Variants in DLGAP2 observed in about 807,000 individuals in gnomAD.
DLGAP2 encodes the protein disks large-associated protein 2.
DLGAP2 carries 26 observed loss-of-function variants against 100.3 expected under a neutral mutation model. The observed-to-expected ratio is 0.26, with a 90% CI of 0.19 to 0.36. The LOEUF (loss-of-function observed/expected upper bound fraction) is 0.36. DLGAP2 is among the 10% of genes least tolerant of loss of function. The probability of loss-of-function intolerance (pLI) is 1.00; values close to 1 mark genes in which losing one functional copy is unlikely to be tolerated. For missense variants in DLGAP2, 1,858 were observed against 1,453.2 expected (o/e 1.28, Z -4.53); for synonymous variants, 886 against 630.1 (o/e 1.41, Z -6.08).
intron 1 of DLGAP2, among the ~76,000 whole-genome samples, chr8:814,834 G>C (rs1257226229): frequency 3.6e-4 from 38 of 105,320 alleles, no homozygotes; most frequent in African/African-American, 1.5e-3. Flanking sequence ...CCTGGCAACA[G>C]AGCAAGACTC....
intron 5 of DLGAP2, among the ~76,000 whole-genome samples, chr8:1,564,206 A>C (rs1441345103): frequency 1.3e-5 from 2 of 152,184 alleles, no homozygotes; most frequent in Non-Finnish European, 2.9e-5. Context: ...GGAGCTGTTC[A>C]AAGCTAATGA....
At chr8:950,020 A>C (rs1444715835) in intron 2 of DLGAP2, among the ~76,000 whole-genome samples, 1 of 152,180 alleles carries the variant, frequency 6.6e-6, no homozygotes, top group Non-Finnish European at 1.5e-5. Flanking sequence ...AATCGCTGCA[A>C]TGTGTCCCGT....
rs576199834 is a variant in DLGAP2, at chr8:1,515,178, G to C, written c.172+13747G>C. Among the ~76,000 whole-genome samples the C allele has an allele frequency of 7.2e-5, 11 of 152,304 alleles. No homozygotes were observed. The South Asian group carries it at 2.3e-3, about 32-fold the overall frequency. ...GGAAGGCAGCCTTGGAAATCACGGA[G>C]AGTTGTTGCATTGATTCTTTTGCAG... On this transcript the variant is annotated intron_variant, in intron 4 of 14. Transcript: ENST00000637795.
At chr8:1,214,010 C>T (rs1168171078) in intron 2 of DLGAP2, among the ~76,000 whole-genome samples, 2 of 152,036 alleles carry the variant, frequency 1.3e-5, no homozygotes, top group Non-Finnish European at 2.9e-5. Flanking sequence ...TTCAGAGACC[C>T]GGCTGTGGTC....
intron 3 of DLGAP2, among the ~76,000 whole-genome samples, chr8:1,437,908 C>T (rs1370093580): frequency 6.6e-6 from 1 of 151,260 alleles, no homozygotes; most frequent in Non-Finnish European, 1.5e-5. Context: ...ATTGCTTGAA[C>T]CCTGGAGATG....
intron 2 of DLGAP2, among the ~76,000 whole-genome samples, chr8:961,725 G>T (rs1015988794): frequency 6.6e-6 from 1 of 152,124 alleles, no homozygotes; most frequent in Admixed American, 6.6e-5. Context: ...TGAAAATTAT[G>T]GGAGATATGA....
intron 1 of DLGAP2, among the ~76,000 whole-genome samples, chr8:889,796 C>T (rs569155450): frequency 3.3e-5 from 5 of 152,336 alleles, no homozygotes; most frequent in African/African-American, 1.2e-4. Context: ...GTCACCCCTC[C>T]CCCCAGGAGT....
At chr8:1,166,838 T>C (rs1426014288) in intron 2 of DLGAP2, among the ~76,000 whole-genome samples, 2 of 152,160 alleles carry the variant, frequency 1.3e-5, no homozygotes, top group Non-Finnish European at 2.9e-5. Flanking sequence ...TTTCTACATA[T>C]GGATAATGAT....
At chr8:1,043,150 TGTGGGTGGTGGAC>T (rs1221201245) in intron 2 of DLGAP2, among the ~76,000 whole-genome samples, 1 of 104,022 alleles carries the variant, frequency 9.6e-6, no homozygotes, top group Non-Finnish European at 1.9e-5. Context: ...AGGTTGTGGG[TGTGGGTGGTGGAC>T]GTGGGTGGTG....
At chr8:1,283,310 T>C (rs1185447263) in intron 3 of DLGAP2, among the ~76,000 whole-genome samples, 3 of 152,038 alleles carry the variant, frequency 2.0e-5, no homozygotes, top group African/African-American at 7.2e-5. Context: ...ACGTGAACCA[T>C]CCAGACGTGG....
At chr8:1,293,760 G>A (rs749433351) in intron 3 of DLGAP2, among the ~76,000 whole-genome samples, 17 of 152,300 alleles carry the variant, frequency 1.1e-4, no homozygotes, top group Admixed American at 5.2e-4. Context: ...GAGCTGGGGC[G>A]AAGTGAATCC....
At chr8:1,158,762 C>A (rs1796838780) in intron 2 of DLGAP2, among the ~76,000 whole-genome samples, 2 of 152,216 alleles carry the variant, frequency 1.3e-5, no homozygotes, top group South Asian at 4.1e-4. Flanking sequence ...TCACACAGAC[C>A]CCTTGAAGTC....
chr8:1,325,765 C>G (rs1406198807), intron 3 of DLGAP2, among the ~76,000 whole-genome samples: 2 of 152,188 alleles, frequency 1.3e-5, no homozygotes, highest in African/African-American at 4.8e-5. Context: ...GTCTGTTTTC[C>G]TGAGACGGGT....
chr8:1,317,510 G>C (rs1447509732), intron 3 of DLGAP2, among the ~76,000 whole-genome samples: 1 of 141,004 alleles, frequency 7.1e-6, no homozygotes, highest in Non-Finnish European at 1.5e-5. Flanking sequence ...ACACTTGGCA[G>C]CGTTTAAAAA....
chr8:833,613 T>C (rs1003696947), intron 1 of DLGAP2, among the ~76,000 whole-genome samples: 1 of 152,186 alleles, frequency 6.6e-6, no homozygotes, highest in Non-Finnish European at 1.5e-5. Context: ...GGATCACCCC[T>C]GTCTCATCTC....
At chr8:1,622,040 T>G (rs1209995287) in intron 6 of DLGAP2, 1 of 152,260 alleles carries the variant, frequency 6.6e-6, no homozygotes, top group African/African-American at 2.4e-5. Flanking sequence ...AGTCATTAAT[T>G]GTGATATTAT....
chr8:822,796 T>C (rs34109064), intron 1 of DLGAP2, among the ~76,000 whole-genome samples: 48,798 of 152,054 alleles, frequency 0.32, 9,187 homozygotes, highest in African/African-American at 0.51. Flanking sequence ...AACAGCATCC[T>C]GGGGCTGTGG....
chr8:1,694,433 G>A (rs1238379248), intron 13 of DLGAP2, among the ~76,000 whole-genome samples: 2 of 152,206 alleles, frequency 1.3e-5, no homozygotes, highest in African/African-American at 2.4e-5. Flanking sequence ...CTGACCACAG[G>A]GAGCGGAGCC....
At chr8:1,027,841 G>T in intron 2 of DLGAP2, among the ~76,000 whole-genome samples, 1 of 130,958 alleles carries the variant, frequency 7.6e-6, no homozygotes, top group African/African-American at 2.9e-5. Context: ...TCAGGCGCCC[G>T]TTATTCTCCA....
Sources: allele counts gnomAD v4.1 joint callset (sites outside exome capture counted in the v4.1 genomes callset), GRCh38; gene constraint gnomAD v4.1.1; transcripts MANE v1.5; gene names NCBI Gene and HGNC (gene_info 2026-07-23, HGNC 2026-07-21).